The following PPP2R5B variants were observed in gnomAD, a reference collection of about 807,000 sequenced individuals.
PPP2R5B encodes the protein protein phosphatase 2 regulatory subunit B'beta.
A neutral mutation model predicts 59.9 loss-of-function variants in PPP2R5B; 19 were observed. That is an observed-to-expected ratio of 0.32 (90% CI 0.22 to 0.47). PPP2R5B has a LOEUF of 0.47. PPP2R5B is among the 20% of genes least tolerant of loss of function. The pLI is 1.00. For missense variants in PPP2R5B, 441 were observed against 640.2 expected (o/e 0.69, Z 3.36); for synonymous variants, 286 against 260.5 (o/e 1.10, Z -0.94).
chr11:64,926,299 G>C (rs1945163475), intron 2 of PPP2R5B, among the ~76,000 whole-genome samples: 1 of 152,232 alleles, frequency 6.6e-6, no homozygotes, highest in Non-Finnish European at 1.5e-5. Flanking sequence ...CCCTTCCCCA[G>C]CCTTGGGCCA....
Position 64,929,058 on chromosome 11 carries a change from C to G in PPP2R5B, c.722+633C>G, listed in dbSNP as rs531243527. On this transcript the variant is annotated intron_variant, in intron 6 of 13. Coordinates refer to ENST00000164133, the MANE Select transcript of PPP2R5B (RefSeq NM_006244.4). ...CTTGTAGAACTTCTGTTTTCCAAGC[C>G]CTTTCTCAGTAACGTATTACATATT... Among the ~76,000 whole-genome samples, 55 of 152,182 alleles carry G rather than the reference C, an allele frequency of 3.6e-4. No individual in the cohort carries two copies. In the South Asian group the frequency reaches 9.3e-3, roughly 26 times the overall value.
rs773028850 is a variant in PPP2R5B, at chr11:64,932,759, C to T, written c.1117-6C>T. The T allele has an allele frequency of 3.7e-6, 6 of 1,613,288 alleles. No individual in the cohort carries two copies. The South Asian group carries it at 5.5e-5, about 15-fold the overall frequency. ...GTTAATCACTCTGCCATCTTGTCTG[C>T]CCCAGGTTGCAGAGCGGGCTCTGTA... is the stretch of plus-strand genomic sequence containing the variant. On this transcript the variant is annotated splice_region_variant and splice_polypyrimidine_tract_variant and intron_variant, in intron 11 of 13. Transcript: ENST00000164133.
chr11:64,918,881 G>C (rs931985185), intron 1 of PPP2R5B, among the ~76,000 whole-genome samples: 1 of 152,168 alleles, frequency 6.6e-6, no homozygotes, highest in Non-Finnish European at 1.5e-5. Flanking sequence ...CTGGCCCACC[G>C]GGCAGGGACC....
upstream of PPP2R5B, among the ~76,000 whole-genome samples, chr11:64,919,788 C>T (rs1945094295): frequency 6.6e-6 from 1 of 151,976 alleles, no homozygotes; most frequent in Non-Finnish European, 1.5e-5. Context: ...AGGCCTTGGG[C>T]TTGTTACTTT....
chr11:64,919,723 A>C (rs1486909016), upstream of PPP2R5B, among the ~76,000 whole-genome samples: 1 of 152,088 alleles, frequency 6.6e-6, no homozygotes, highest in Non-Finnish European at 1.5e-5. Context: ...TTGTCTAAAA[A>C]AAAAATTAAT....
At chr11:64,933,584 G>C in intron 13 of PPP2R5B, 113 bp from the exon 14 acceptor site, 1 of 1,331,078 alleles carries the variant, frequency 7.5e-7, no homozygotes, top group Non-Finnish European at 1.0e-6. Flanking sequence ...GAACAAAAAT[G>C]GTTCCATGCC....
intron 6 of PPP2R5B, among the ~76,000 whole-genome samples, chr11:64,928,757 G>A (rs1219510212): frequency 1.3e-5 from 2 of 152,190 alleles, no homozygotes; most frequent in Non-Finnish European, 2.9e-5. Flanking sequence ...GGTGGCGGGC[G>A]CCTGTAGTCC....
In PPP2R5B at chr11:64,925,829, C is replaced by CCCG; in HGVS notation, c.99_101dup (p.Arg34dup). ...CCACCCGACAAGGTGGACGGCTTCT[C>CCCG]CCGCCGTTCCCTCCGCAGAGCCCGG... On this transcript the variant is annotated inframe_insertion, in exon 2 of 14. Transcript: ENST00000164133. The surrounding 1 kb of genome is among the most constrained non-coding windows in gnomAD (Gnocchi z 4.6). 6.2e-7 allele frequency: 1 copy of CCCG among 1,609,154 alleles called. No homozygotes were observed. The highest frequency in any genetic ancestry group is 8.5e-7 in the Non-Finnish European group (1 of 1,178,716).
At chr11:64,927,004 A>T in intron 3 of PPP2R5B, 96 bp downstream of exon 3, 2 of 1,416,208 alleles carry the variant, frequency 1.4e-6, no homozygotes, top group Non-Finnish European at 1.9e-6. Flanking sequence ...ATAACCCTGT[A>T]CTCATCGGCT....
chr11:64,933,837 A>T lies in PPP2R5B; in HGVS notation c.1487A>T (p.Gln496Leu). Residue 496 changes from glutamine to leucine, a missense_variant, in exon 14 of 14, where the codon CAG (glutamine) becomes CTG (leucine). Coordinates refer to ENST00000164133, the MANE Select transcript of PPP2R5B (RefSeq NM_006244.4). The part of the protein sequence containing the change: ...LTPQVAASGG[Q>L]S ...CCCCAGGTGGCCGCCAGTGGGGGTC[A>T]GAGCTAGACAGCACCTCAGAAGGGG... 6.5e-7 allele frequency: 1 copy of T among 1,534,492 alleles called. No individual in the cohort carries two copies. The highest frequency in any genetic ancestry group is 1.4e-5 in the African/African-American group (1 of 72,062).
At chr11:64,932,945 G>A in intron 12 of PPP2R5B, 53 bp downstream of exon 12, 1 of 1,606,188 alleles carries the variant, frequency 6.2e-7, no homozygotes, top group South Asian at 1.1e-5. Flanking sequence ...GGGCCAGCCA[G>A]TCCAGACCCG....
upstream of PPP2R5B, among the ~76,000 whole-genome samples, chr11:64,923,547 G>A (rs1312705258): frequency 2.0e-5 from 3 of 152,188 alleles, no homozygotes; most frequent in South Asian, 2.1e-4. Context: ...TGCGGCCCTC[G>A]GTGCAGGCCT....
Position 64,931,701 on chromosome 11 carries a change from T to C in PPP2R5B, c.997-48T>C, listed in dbSNP as rs766639653. ...AGGTGTGTGTATGTGTAGGGGGAGA[T>C]GTGAGCTGCTGCCCCTCTGTCCCTA... is the stretch of plus-strand genomic sequence containing the variant. On this transcript the variant is annotated intron_variant, in intron 10 of 13. Coordinates refer to ENST00000164133, the MANE Select transcript of PPP2R5B (RefSeq NM_006244.4). The surrounding 1 kb of genome is among the most constrained non-coding windows in gnomAD (Gnocchi z 5.0). 5 of 1,613,680 alleles carry C rather than the reference T, an allele frequency of 3.1e-6. No individual in the cohort carries two copies. The highest frequency in any genetic ancestry group is 1.3e-5 in the African/African-American group (1 of 74,850).
At chr11:64,923,508 C>T (rs1945128461), upstream of PPP2R5B, among the ~76,000 whole-genome samples, 1 of 152,206 alleles carries the variant, frequency 6.6e-6, no homozygotes, top group African/African-American at 2.4e-5. Flanking sequence ...GTCTCCAGTG[C>T]CGGAGTCCTG....
In PPP2R5B at chr11:64,926,781, T is replaced by A; in HGVS notation, c.269T>A (p.Phe90Tyr). The A allele has an allele frequency of 6.2e-7, 1 of 1,614,148 alleles. No homozygotes were observed. Among genetic ancestry groups the A allele is most frequent in the Non-Finnish European group, 8.5e-7 (1 of 1,180,010 alleles). The part of the protein sequence containing the change: ...KLAQCGVMFD[F>Y]LDCVADLKGK... Reference sequence around the variant, plus strand: ...GCCCAGTGTGGGGTGATGTTTGACTTCTTGGACTGTGTGGCCGACCTCAAG... The same window carrying A: ...GCCCAGTGTGGGGTGATGTTTGACTACTTGGACTGTGTGGCCGACCTCAAG... Residue 90 changes from phenylalanine (F) to tyrosine (Y), a missense_variant, in exon 3 of 14, where the codon TTC (phenylalanine) becomes TAC (tyrosine). Around this residue, in one of 3 missense-constraint regions of PPP2R5B, gnomAD observed 268 missense variants for 488.1 expected, o/e 0.55. Transcript: ENST00000164133.
At chr11:64,926,051 G>C in intron 2 of PPP2R5B, 118 bp downstream of exon 2, 1 of 1,068,394 alleles carries the variant, frequency 9.4e-7, no homozygotes, top group Non-Finnish European at 1.3e-6. Flanking sequence ...ACCCCTCCAG[G>C]CTAGGTTCTC....
chr11:64,917,704 T>TA (rs778745344), intron 1 of PPP2R5B: 3 of 152,610 alleles, frequency 2.0e-5, no homozygotes, highest in Admixed American at 1.3e-4. Context: ...GCCCTCTTAA[T>TA]AATCGCTCAA....
chr11:64,918,737 C>G (rs1422358138), intron 1 of PPP2R5B, among the ~76,000 whole-genome samples: 1 of 152,214 alleles, frequency 6.6e-6, no homozygotes, highest in Admixed American at 6.5e-5. Context: ...CTCCTGGGTT[C>G]AAGGAATTCC....
chr11:64,933,889 C>T lies in PPP2R5B; in HGVS notation c.*45C>T. On this transcript the variant is annotated 3_prime_UTR_variant, in exon 14 of 14. Transcript: ENST00000164133. The stretch of plus-strand genomic sequence containing the variant: ...AAAGCTAAACCCAGAGCTGTCAGTC[C>T]CTCTATCCCTTCTCCTGTCCAGGGG... 2.1e-6 allele frequency: 3 copies of T among 1,462,114 alleles called. No homozygotes were observed. Among genetic ancestry groups the T allele is most frequent in the Non-Finnish European group, 2.7e-6 (3 of 1,103,298 alleles). 90.6% of individuals were successfully genotyped at this position (1,462,114 alleles called of 1,614,324 possible).
Sources: allele counts gnomAD v4.1 joint callset (sites outside exome capture counted in the v4.1 genomes callset), GRCh38; gene constraint gnomAD v4.1.1; regional missense constraint gnomAD v4.1.1; non-coding constraint Gnocchi (gnomAD v3.1); transcripts MANE v1.5; gene names NCBI Gene and HGNC (gene_info 2026-07-23, HGNC 2026-07-21).